Variants in VAV2 observed in about 807,000 individuals in gnomAD.
VAV2 encodes the protein vav guanine nucleotide exchange factor 2, also known as guanine nucleotide exchange factor VAV2.
Under a neutral mutation model 132.5 loss-of-function variants are expected in VAV2, and 67 were observed. The ratio of observed to expected loss-of-function variants is 0.51; its 90% confidence interval spans 0.42 to 0.62. VAV2 has a LOEUF of 0.62. Ranked by LOEUF, VAV2 falls within the 20% of genes least tolerant of loss-of-function variation. The pLI, the probability that VAV2 is intolerant of heterozygous loss-of-function variation, is 0.00. For missense variants in VAV2, 938 were observed against 1,153.6 expected (o/e 0.81, Z 2.71); for synonymous variants, 492 against 443.5 (o/e 1.11, Z -1.37).
At chr9:133,940,705 G>GTGTGTT (rs1216214614) in intron 1 of VAV2, among the ~76,000 whole-genome samples, 2 of 144,668 alleles carry the variant, frequency 1.4e-5, no homozygotes, top group Non-Finnish European at 3.0e-5. Context: ...GTGTGTGTGT[G>GTGTGTT]TGTTTCTGAA....
At chr9:133,945,901 C>G (rs897880916) in intron 1 of VAV2, among the ~76,000 whole-genome samples, 1 of 152,254 alleles carries the variant, frequency 6.6e-6, no homozygotes, top group Admixed American at 6.5e-5. Context: ...CCTGCTCCCA[C>G]TCAACAGCCA....
At chr9:133,886,280 G>GC (rs1200619085) in intron 2 of VAV2, among the ~76,000 whole-genome samples, 1 of 152,186 alleles carries the variant, frequency 6.6e-6, no homozygotes, top group South Asian at 2.1e-4. Context: ...GCTTGCCTCG[G>GC]CCCAGAGGCA....
At chr9:133,933,646 T>C (rs1190049639) in intron 2 of VAV2, among the ~76,000 whole-genome samples, 6 of 146,444 alleles carry the variant, frequency 4.1e-5, no homozygotes, top group Non-Finnish European at 9.0e-5. Context: ...GATGGATGAA[T>C]GGACGGATGG....
intron 1 of VAV2, among the ~76,000 whole-genome samples, chr9:133,949,968 G>A (rs1454498485): frequency 6.6e-6 from 1 of 152,216 alleles, no homozygotes; most frequent in Non-Finnish European, 1.5e-5. Context: ...CAAACTTCAA[G>A]CGCCCAGCCG....
chr9:133,778,324 G>A (rs913753209), intron 22 of VAV2, among the ~76,000 whole-genome samples: 2 of 152,138 alleles, frequency 1.3e-5, no homozygotes, highest in Admixed American at 1.3e-4. Context: ...GAACCTGCCC[G>A]CTCACCCCAC....
At position 133,802,303 on chromosome 9, in the gene VAV2, C is replaced by A. The variant is rs1043591789; in HGVS notation, c.836+3778G>T. ...ACACACACACACATGCATGTGCACA[C>A]AAACACACAAGCACGCGTGTACACA... On this transcript the variant is annotated intron_variant, in intron 9 of 29. Transcript: ENST00000371850. This position sits in a 1 kb window ranked among gnomAD's most constrained non-coding sequence, Gnocchi z 5.8. 6.9e-6 allele frequency among the ~76,000 whole-genome samples: 1 copy of A among 145,964 alleles called. No homozygotes were observed. Among genetic ancestry groups the A allele is most frequent in the East Asian group, 2.1e-4 (1 of 4,862 alleles).
intron 3 of VAV2, among the ~76,000 whole-genome samples, chr9:133,841,856 C>T (rs1000550063): frequency 6.6e-6 from 1 of 152,166 alleles, no homozygotes; most frequent in Admixed American, 6.5e-5. Context: ...CATGTGCCAG[C>T]GTGGGTCTCT....
intron 2 of VAV2, among the ~76,000 whole-genome samples, chr9:133,875,642 C>T (rs565193894): frequency 2.6e-5 from 4 of 152,234 alleles, no homozygotes; most frequent in Non-Finnish European, 5.9e-5. Flanking sequence ...AAAAGCTCAG[C>T]TACCAACTGC....
intron 19 of VAV2, among the ~76,000 whole-genome samples, chr9:133,781,366 C>T (rs1275633817): frequency 6.6e-6 from 1 of 152,244 alleles, no homozygotes; most frequent in Admixed American, 6.5e-5. Flanking sequence ...AGCCCAACAG[C>T]TCACACACAT....
In VAV2 at chr9:133,824,703, G is replaced by A. The variant is rs1487713206; in HGVS notation, c.449+9569C>T. ...ACGGGGTCCCAGGTCCCAGGTCTGTGGGGCAGGGAGGGCTCCTTTAGCCAC... is the reference window on the plus strand; with the variant it reads ...ACGGGGTCCCAGGTCCCAGGTCTGTAGGGCAGGGAGGGCTCCTTTAGCCAC... On this transcript the variant is annotated intron_variant, in intron 4 of 29. Transcript: ENST00000371850. The surrounding 1 kb of genome is among the most constrained non-coding windows in gnomAD (Gnocchi z 5.2). 6.6e-6 allele frequency among the ~76,000 whole-genome samples: 1 copy of A among 152,134 alleles called. No homozygotes were observed. Among genetic ancestry groups the A allele is most frequent in the East Asian group, 1.9e-4 (1 of 5,174 alleles).
intron 1 of VAV2, among the ~76,000 whole-genome samples, chr9:133,975,687 G>A (rs1463018239): frequency 6.6e-6 from 1 of 152,234 alleles, no homozygotes; most frequent in Non-Finnish European, 1.5e-5. Flanking sequence ...CCCACACGGG[G>A]CTGCTCACCC....
At chr9:133,814,106 C>T (rs1169928251) in intron 4 of VAV2, among the ~76,000 whole-genome samples, 1 of 152,208 alleles carries the variant, frequency 6.6e-6, no homozygotes, top group Non-Finnish European at 1.5e-5. Flanking sequence ...CGGGTTGGGC[C>T]CACATTCTGG....
At chr9:133,855,181 G>A (rs575496657) in intron 3 of VAV2, among the ~76,000 whole-genome samples, 113 of 152,336 alleles carry the variant, frequency 7.4e-4, no homozygotes, top group South Asian at 2.3e-3. Context: ...AGAAGAGGCC[G>A]GGACTCGTGG....
intron 1 of VAV2, among the ~76,000 whole-genome samples, chr9:133,977,182 A>AG (rs1842540229): frequency 1.3e-5 from 2 of 152,190 alleles, no homozygotes; most frequent in Admixed American, 6.5e-5. Flanking sequence ...AGGCAGAGTG[A>AG]GGCCCCCCCA....
In VAV2 at chr9:133,883,247, T is replaced by G. The variant is rs189859446; in HGVS notation, c.322-21815A>C. Among the ~76,000 whole-genome samples, 1 of 152,204 alleles carries G rather than the reference T, an allele frequency of 6.6e-6. No individual in the cohort carries two copies. Among genetic ancestry groups the G allele is most frequent in the Admixed American group, 6.5e-5 (1 of 15,288 alleles). On this transcript the variant is annotated intron_variant, in intron 2 of 29. Transcript: ENST00000371850. The surrounding 1 kb of genome is among the most constrained non-coding windows in gnomAD (Gnocchi z 4.2). ...TGCTCATTTCACGTTCCCCTAATCATGCGAAGAGCCCTGGTAATTGACAAC... is the reference window on the plus strand; with the variant it reads ...TGCTCATTTCACGTTCCCCTAATCAGGCGAAGAGCCCTGGTAATTGACAAC...
chr9:133,965,494 C>CAAAAAAAAAAAAAAA (rs148320930), intron 1 of VAV2, among the ~76,000 whole-genome samples: 1 of 122,796 alleles, frequency 8.1e-6, no homozygotes, highest in Non-Finnish European at 1.7e-5. Context: ...GCGAGACTGT[C>CAAAAAAAAAAAAAAA]AAAAAAAAAA....
At chr9:133,807,348 C>G in intron 7 of VAV2, 22 bp from the exon 8 acceptor site, 1 of 1,592,392 alleles carries the variant, frequency 6.3e-7, no homozygotes. Flanking sequence ...AAGTCCACCT[C>G]TGCCACCCTG....
chr9:133,773,326 C>A (rs1313100994), intron 25 of VAV2, among the ~76,000 whole-genome samples: 1 of 152,146 alleles, frequency 6.6e-6, no homozygotes, highest in African/African-American at 2.4e-5. Context: ...AACAGGACAG[C>A]TGTATGGGGT....
At chr9:133,964,742 G>T (rs1344077328) in intron 1 of VAV2, among the ~76,000 whole-genome samples, 3 of 152,148 alleles carry the variant, frequency 2.0e-5, no homozygotes, top group Non-Finnish European at 4.4e-5. Context: ...CTCAACAGAT[G>T]CAGAAAAAGC....
Sources: gnomAD v4.1 joint callset for allele counts (sites outside exome capture counted in the v4.1 genomes callset) on GRCh38, gnomAD v4.1.1 for gene constraint, Gnocchi (gnomAD v3.1) non-coding constraint, MANE v1.5 for transcripts, NCBI Gene and HGNC (gene_info 2026-07-23, HGNC 2026-07-21) for gene names.